CSMD1: variants seen among roughly 807,000 people sequenced by gnomAD.
CSMD1 encodes the protein CUB and sushi domain-containing protein 1.
CSMD1 carries 213 observed loss-of-function variants against 417.5 expected under a neutral mutation model. The observed-to-expected ratio is 0.51, with a 90% CI of 0.46 to 0.57. The LOEUF is 0.57. Ranked by LOEUF, CSMD1 falls within the 20% of genes least tolerant of loss-of-function variation. The pLI, the probability that CSMD1 is intolerant of heterozygous loss-of-function variation, is 0.00. For synonymous variants in CSMD1, 2,862 were observed against 1,736.8 expected, an observed-to-expected ratio of 1.65 and a Z score of -16.11; for missense variants, 6,923 against 4,529.7, an observed-to-expected ratio of 1.53 and a Z score of -15.17.
intron 12 of CSMD1, among the ~76,000 whole-genome samples, chr8:3,424,710 G>C (rs888148839): frequency 2.0e-5 from 3 of 152,156 alleles, no homozygotes; most frequent in East Asian, 3.8e-4. Context: ...TATCAGGAAG[G>C]AATTGTCCTT....
chr8:3,824,186 G>A (rs995588554), intron 5 of CSMD1, among the ~76,000 whole-genome samples: 2 of 151,552 alleles, frequency 1.3e-5, no homozygotes, highest in Admixed American at 6.6e-5. Context: ...CTTTGGAGAT[G>A]ATGACTAATT....
In CSMD1 at chr8:3,008,896, C is replaced by T. The variant is rs189638008; in HGVS notation, c.8030-8765G>A. On this transcript the variant is annotated intron_variant, in intron 52 of 69. Coordinates refer to ENST00000635120, the MANE Select transcript of CSMD1 (RefSeq NM_033225.6). ...TGGCCGATTTACCTTCACATCATAA[C>T]GCACGCAGAGTGAACACCTCACATG... 2.5e-3 allele frequency among the ~76,000 whole-genome samples: 385 copies of T among 152,242 alleles called. 3 individuals carry two copies. The highest frequency in any genetic ancestry group is 6.1e-3 in the African/African-American group (254 of 41,534).
intron 3 of CSMD1, among the ~76,000 whole-genome samples, chr8:4,217,919 A>C (rs542650148): frequency 1.9e-4 from 29 of 152,306 alleles, no homozygotes; most frequent in Admixed American, 1.8e-3. Context: ...GAAGAAGAAC[A>C]AGATTCAGGA....
At chr8:4,971,013 C>G (rs958032556) in intron 1 of CSMD1, among the ~76,000 whole-genome samples, 1 of 151,982 alleles carries the variant, frequency 6.6e-6, no homozygotes, top group Non-Finnish European at 1.5e-5. Flanking sequence ...AGAGAAAAAT[C>G]TAGTTATTCC....
chr8:4,026,996 T>G (rs975922801), intron 4 of CSMD1, among the ~76,000 whole-genome samples: 1 of 152,184 alleles, frequency 6.6e-6, no homozygotes, highest in Non-Finnish European at 1.5e-5. Context: ...GTAGTCCCAC[T>G]ATGACAGATA....
At chr8:3,651,057 C>G (rs1797828213) in intron 7 of CSMD1, among the ~76,000 whole-genome samples, 1 of 152,186 alleles carries the variant, frequency 6.6e-6, no homozygotes, top group Non-Finnish European at 1.5e-5. Flanking sequence ...ACCAGAATAT[C>G]CCATGAGCTC....
chr8:4,687,172 G>A (rs568323218), intron 1 of CSMD1, among the ~76,000 whole-genome samples: 7 of 152,314 alleles, frequency 4.6e-5, no homozygotes, highest in African/African-American at 1.7e-4. Flanking sequence ...AGAGAGGCAG[G>A]GGTCTTAGTG....
intron 51 of CSMD1, among the ~76,000 whole-genome samples, chr8:3,019,393 C>T (rs920820744): frequency 6.6e-6 from 1 of 152,222 alleles, no homozygotes; most frequent in Admixed American, 6.5e-5. Context: ...CCAGAAGCCT[C>T]AGGAGCCTAT....
chr8:3,933,005 CATT>C (rs1337680273), intron 5 of CSMD1, among the ~76,000 whole-genome samples: 1 of 145,168 alleles, frequency 6.9e-6, no homozygotes, highest in Non-Finnish European at 1.5e-5. Context: ...AAATGTTTAA[CATT>C]ATAGAACAAG....
intron 2 of CSMD1, among the ~76,000 whole-genome samples, chr8:4,499,497 G>C (rs114843535): frequency 6.6e-6 from 1 of 152,184 alleles, no homozygotes; most frequent in African/African-American, 2.4e-5. Context: ...GCAAGAACCA[G>C]CAAGACTTTC....
At chr8:3,000,523 T>C (rs1461415074) in intron 52 of CSMD1, among the ~76,000 whole-genome samples, 1 of 152,100 alleles carries the variant, frequency 6.6e-6, no homozygotes, top group Non-Finnish European at 1.5e-5. Flanking sequence ...TTATGGGTAG[T>C]AAGGAGATCG....
intron 5 of CSMD1, among the ~76,000 whole-genome samples, chr8:3,916,000 T>C (rs1349722342): frequency 1.3e-5 from 2 of 151,614 alleles, no homozygotes; most frequent in Non-Finnish European, 2.9e-5. Context: ...ATTGATATAA[T>C]GCAATTAGTT....
intron 3 of CSMD1, among the ~76,000 whole-genome samples, chr8:4,069,195 CTGAT>C (rs1329329327): frequency 1.2e-4 from 19 of 152,112 alleles, no homozygotes; most frequent in Admixed American, 5.9e-4. Context: ...ACCACATACT[CTGAT>C]TGAGGCGTGA....
At chr8:4,870,895 G>C (rs1802698209) in intron 1 of CSMD1, among the ~76,000 whole-genome samples, 1 of 152,142 alleles carries the variant, frequency 6.6e-6, no homozygotes, top group Admixed American at 6.5e-5. Context: ...CTGGCCCTTT[G>C]GGCTTCAACC....
intron 3 of CSMD1, among the ~76,000 whole-genome samples, chr8:4,181,128 G>A (rs908066561): frequency 2.0e-5 from 3 of 152,116 alleles, no homozygotes; most frequent in African/African-American, 7.2e-5. Flanking sequence ...TCCAAGTGCT[G>A]CGAAACAGCC....
intron 68 of CSMD1, among the ~76,000 whole-genome samples, chr8:2,945,165 G>A (rs1585033550): frequency 6.6e-6 from 1 of 152,176 alleles, no homozygotes; most frequent in Non-Finnish European, 1.5e-5. Context: ...ATCATTCCTT[G>A]CCCTACAAGG....
chr8:3,100,063 T>C lies in CSMD1; in HGVS notation c.6950-3026A>G, dbSNP rs62488452. On this transcript the variant is annotated intron_variant, in intron 46 of 69. Transcript: ENST00000635120. Reference sequence around the variant, plus strand: ...TTTGTTTTTTAACTTGTTTGTTTGTTTGAGATAGGGTCTCACTCTGTCACC... The same window carrying C: ...TTTGTTTTTTAACTTGTTTGTTTGTCTGAGATAGGGTCTCACTCTGTCACC... Among the ~76,000 whole-genome samples the C allele has an allele frequency of 4.1e-4, 62 of 151,412 alleles. 1 individual carries two copies. The highest frequency in any genetic ancestry group is 3.9e-4 in the Admixed American group (6 of 15,208).
intron 5 of CSMD1, among the ~76,000 whole-genome samples, chr8:3,823,471 C>A (rs577626327): frequency 6.6e-6 from 1 of 152,106 alleles, no homozygotes; most frequent in South Asian, 2.1e-4. Context: ...TTTTATGCAA[C>A]GAATGTATTT....
At chr8:4,918,091 T>A (rs55917569) in intron 1 of CSMD1, among the ~76,000 whole-genome samples, 89,612 of 151,342 alleles carry the variant, frequency 0.59, 27,078 homozygotes, top group East Asian at 0.86. Flanking sequence ...GCAATACTTT[T>A]AAAAAAAGAA....
Sources: gnomAD v4.1 joint callset for allele counts (sites outside exome capture counted in the v4.1 genomes callset) on GRCh38, gnomAD v4.1.1 for gene constraint, MANE v1.5 for transcripts, NCBI Gene and HGNC (gene_info 2026-07-23, HGNC 2026-07-21) for gene names.